CBL: variants seen among roughly 807,000 people sequenced by gnomAD.
The protein encoded by CBL is E3 ubiquitin-protein ligase CBL.
In CBL, 45 loss-of-function variants were observed where a neutral mutation model predicts 96.9. The observed-to-expected ratio is 0.46, with a 90% CI of 0.37 to 0.60. CBL has a LOEUF of 0.60. CBL is among the 20% of genes least tolerant of loss of function. The pLI, the probability that CBL is intolerant of heterozygous loss-of-function variation, is 0.00. For synonymous variants in CBL, 420 were observed against 426.8 expected (o/e 0.98, Z 0.20); for missense variants, 1,024 against 1,143.5 (o/e 0.90, Z 1.51).
chr11:119,290,798 C>T (rs560772799), intron 12 of CBL, among the ~76,000 whole-genome samples: 4 of 151,482 alleles, frequency 2.6e-5, no homozygotes, highest in African/African-American at 9.7e-5. Flanking sequence ...GACTCAGCCT[C>T]CCAAGTAATT....
rs1319690905 is a variant in CBL, at chr11:119,263,649, TTTG to T, written c.444-8083_444-8081del. Reference sequence around the variant, plus strand: ...TCCTTTTGTAGGTGATGGTTTTCGTTTTGTTTTGTTTTGTTTTGTTTTGTTTTT... The same window carrying T: ...TCCTTTTGTAGGTGATGGTTTTCGTTTTTTGTTTTGTTTTGTTTTGTTTTT... On this transcript the variant is annotated intron_variant, in intron 2 of 15. Coordinates refer to ENST00000264033, the MANE Select transcript of CBL (RefSeq NM_005188.4). Among the ~76,000 whole-genome samples the T allele has an allele frequency of 2.0e-5, 3 of 151,808 alleles. No individual in the cohort carries two copies. The South Asian group carries it at 6.2e-4, about 31-fold the overall frequency.
intron 2 of CBL, among the ~76,000 whole-genome samples, chr11:119,233,436 C>G (rs7940651): frequency 0.98 from 148,552 of 152,232 alleles, 72,495 homozygotes; most frequent in East Asian, 1. Flanking sequence ...GTTTCACCAT[C>G]TTGGCCAGGC....
chr11:119,224,344 C>A (rs2135259637), intron 1 of CBL, among the ~76,000 whole-genome samples: 1 of 152,178 alleles, frequency 6.6e-6, no homozygotes, highest in East Asian at 1.9e-4. Flanking sequence ...AGGTTAGGGG[C>A]ACAGACCACC....
intron 1 of CBL, among the ~76,000 whole-genome samples, chr11:119,225,425 G>T (rs1399917712): frequency 6.6e-6 from 1 of 151,922 alleles, no homozygotes; most frequent in African/African-American, 2.4e-5. Context: ...TGGAGACAGG[G>T]TCTCATTCTG....
intron 2 of CBL, among the ~76,000 whole-genome samples, chr11:119,241,039 C>G (rs1308562415): frequency 6.6e-6 from 1 of 151,790 alleles, no homozygotes; most frequent in Non-Finnish European, 1.5e-5. Flanking sequence ...CCACTGCACT[C>G]TAGCCTGGGC....
chr11:119,268,355 A>C (rs1216305705), intron 2 of CBL, among the ~76,000 whole-genome samples: 1 of 152,224 alleles, frequency 6.6e-6, no homozygotes, highest in Non-Finnish European at 1.5e-5. Flanking sequence ...ATTGGCAACA[A>C]ATTGACTAGT....
At chr11:119,286,854 A>G (rs551860366) in intron 11 of CBL, among the ~76,000 whole-genome samples, 8 of 152,336 alleles carry the variant, frequency 5.3e-5, no homozygotes, top group African/African-American at 1.9e-4. Flanking sequence ...TGGGAGGAAG[A>G]TGGAATATAA....
intron 9 of CBL, among the ~76,000 whole-genome samples, chr11:119,280,051 A>G (rs1169628649): frequency 6.6e-6 from 1 of 152,208 alleles, no homozygotes; most frequent in Non-Finnish European, 1.5e-5. Flanking sequence ...AAAGGAACAC[A>G]CTTTCCCTAG....
In CBL at chr11:119,298,523, A is replaced by G; in HGVS notation, c.2417A>G (p.Asp806Gly). 1 of 1,614,150 alleles carries G rather than the reference A, an allele frequency of 6.2e-7. No homozygotes were observed. The highest frequency in any genetic ancestry group is 8.5e-7 in the Non-Finnish European group (1 of 1,180,020). The change falls in exon 15 of 16, where the codon GAT becomes GGT. Residue 806 changes from aspartate (D) to glycine (G), a missense_variant. Transcript: ENST00000264033. Reference sequence around the variant, plus strand: ...TCCTCCTTTGGCTGGTTGTCTCTGGATGGTGATCCTACAACAAGTGAGTCT... The same window carrying G: ...TCCTCCTTTGGCTGGTTGTCTCTGGGTGGTGATCCTACAACAAGTGAGTCT... ...ASSSFGWLSLDGDPTTNVTEG... is the reference protein window; with the variant it reads ...ASSSFGWLSLGGDPTTNVTEG...
chr11:119,219,156 T>C (rs2135255140), intron 1 of CBL, among the ~76,000 whole-genome samples: 1 of 152,262 alleles, frequency 6.6e-6, no homozygotes, highest in Non-Finnish European at 1.5e-5. Flanking sequence ...GGCTGGTGGA[T>C]CACTTGAGGT....
chr11:119,240,773 A>G (rs371522955), intron 2 of CBL, among the ~76,000 whole-genome samples: 2 of 152,126 alleles, frequency 1.3e-5, no homozygotes, highest in Admixed American at 6.5e-5. Context: ...AATCTTCTCT[A>G]TAAGAGTGTA....
intron 1 of CBL, among the ~76,000 whole-genome samples, chr11:119,215,926 A>G (rs1949356603): frequency 6.6e-6 from 1 of 152,232 alleles, no homozygotes. Context: ...GAATATAGGT[A>G]GGAGTAGGCA....
At chr11:119,255,307 C>G (rs1949703420) in intron 2 of CBL, among the ~76,000 whole-genome samples, 1 of 151,986 alleles carries the variant, frequency 6.6e-6, no homozygotes, top group Non-Finnish European at 1.5e-5. Flanking sequence ...CTTTGCTAAG[C>G]AATCCAGAAA....
At chr11:119,265,821 G>A (rs578255918) in intron 2 of CBL, among the ~76,000 whole-genome samples, 1 of 152,070 alleles carries the variant, frequency 6.6e-6, no homozygotes. Flanking sequence ...TTGGAAGTTC[G>A]AGACCAGCCT....
intron 1 of CBL, 84 bp downstream of exon 1, chr11:119,206,696 C>G (rs1592364794): frequency 1.1e-5 from 9 of 832,454 alleles, no homozygotes; most frequent in South Asian, 2.5e-5. Context: ...ACGGAGGAAG[C>G]GGGGGAGGGG....
Position 119,287,936 on chromosome 11 carries a change from C to T in CBL, c.2026C>T (p.Leu676=). The T allele has an allele frequency of 6.2e-7, 1 of 1,611,128 alleles. No individual in the cohort carries two copies. The highest frequency in any genetic ancestry group is 1.3e-5 in the African/African-American group (1 of 74,982). ...CTCATCTGCCAATGCCATTTATTCT[C>T]TGGCTGCCAGGTAAGTCTGCTAAAG... ...PSSSANAIYS[L]AARPLPVPKL... Residue 676 remains leucine, a synonymous_variant, in exon 12 of 16, where the codon CTG becomes TTG. Coordinates refer to ENST00000264033, the MANE Select transcript of CBL (RefSeq NM_005188.4).
chr11:119,245,589 C>G (rs1188803807), intron 2 of CBL, among the ~76,000 whole-genome samples: 1 of 151,868 alleles, frequency 6.6e-6, no homozygotes, highest in Non-Finnish European at 1.5e-5. Context: ...ATTACCCGGG[C>G]ATGGTGGTGG....
intron 4 of CBL, 120 bp from the exon 5 acceptor site, chr11:119,274,712 T>C: frequency 3.3e-6 from 3 of 900,690 alleles, no homozygotes; most frequent in Non-Finnish European, 5.4e-6. Context: ...TGAGTGATGG[T>C]ATAATTAAAA....
At position 119,306,145 on chromosome 11, in the gene CBL, A is replaced by G; in HGVS notation, c.*6364A>G. 1 of 397,474 alleles carries G rather than the reference A, an allele frequency of 2.5e-6. No individual in the cohort carries two copies. The highest frequency in any genetic ancestry group is 4.4e-6 in the Non-Finnish European group (1 of 225,758). The allele number at this position is 397,474 out of a possible 1,614,324, so 24.6% of individuals were successfully genotyped here. ...TAGGGATGGGGAGAGCAAGCCCCGC[A>G]TGTCCATGGCGAGTCAGGTGGGGAG... On this transcript the variant is annotated 3_prime_UTR_variant, in exon 16 of 16. Transcript: ENST00000264033.
Sources: gnomAD v4.1 joint callset for allele counts (sites outside exome capture counted in the v4.1 genomes callset) on GRCh38, gnomAD v4.1.1 for gene constraint, MANE v1.5 for transcripts, NCBI Gene and HGNC (gene_info 2026-07-23, HGNC 2026-07-21) for gene names.